The following UGGT1 variants were observed in gnomAD, a reference collection of about 807,000 sequenced individuals.
The protein encoded by UGGT1 is UDP-glucose glycoprotein glucosyltransferase 1, also known as UDP-glucose:glycoprotein glucosyltransferase 1.
A neutral mutation model predicts 203.9 loss-of-function variants in UGGT1; 107 were observed. That is an observed-to-expected ratio of 0.52 (90% CI 0.45 to 0.62). The LOEUF (loss-of-function observed/expected upper bound fraction) is 0.62, where lower values mean the gene tolerates loss of function less well. Among genes scored for constraint, UGGT1 ranks in the 20% least tolerant of loss-of-function variants. The pLI is 0.00. For missense variants in UGGT1, 1,673 were observed against 1,867.2 expected, an observed-to-expected ratio of 0.90 and a Z score of 1.92; for synonymous variants, 628 against 653.5, an observed-to-expected ratio of 0.96 and a Z score of 0.59.
chr2:128,169,583 T>C (rs929107031), intron 26 of UGGT1, among the ~76,000 whole-genome samples: 16 of 152,334 alleles, frequency 1.1e-4, no homozygotes, highest in East Asian at 7.7e-4. Context: ...AATTTCCAAA[T>C]GTGGAGAAAG....
At chr2:128,131,517 C>T (rs1447432269) in intron 13 of UGGT1, among the ~76,000 whole-genome samples, 1 of 152,106 alleles carries the variant, frequency 6.6e-6, no homozygotes, top group Non-Finnish European at 1.5e-5. Flanking sequence ...CTGTTGTAAA[C>T]ACTACTTTAA....
intron 18 of UGGT1, among the ~76,000 whole-genome samples, chr2:128,148,230 T>A (rs1689784278): frequency 6.6e-6 from 1 of 151,978 alleles, no homozygotes; most frequent in Admixed American, 6.6e-5. Flanking sequence ...CCCAACTAAT[T>A]TTTATATTTT....
At chr2:128,099,491 G>C (rs1250542290) in intron 2 of UGGT1, among the ~76,000 whole-genome samples, 1 of 152,140 alleles carries the variant, frequency 6.6e-6, no homozygotes, top group African/African-American at 2.4e-5. Flanking sequence ...CTAGAAAAAT[G>C]TGGATGAAGA....
intron 16 of UGGT1, 61 bp downstream of exon 16, chr2:128,138,913 T>C (rs1689276014): frequency 1.3e-6 from 2 of 1,599,998 alleles, no homozygotes; most frequent in Non-Finnish European, 8.5e-7. Context: ...TTAATAACAA[T>C]GTGTGGTCAT....
chr2:128,099,041 A>G (rs1163195578), intron 2 of UGGT1, among the ~76,000 whole-genome samples: 4 of 152,216 alleles, frequency 2.6e-5, no homozygotes, highest in African/African-American at 9.6e-5. Flanking sequence ...AGCAGCAAGC[A>G]CTTGGTAAGT....
chr2:128,111,004 C>A (rs988836386), intron 5 of UGGT1, among the ~76,000 whole-genome samples: 3 of 152,144 alleles, frequency 2.0e-5, no homozygotes, highest in Non-Finnish European at 4.4e-5. Flanking sequence ...CTGTTAATAT[C>A]TTGATGCCAT....
chr2:128,179,225 A>G (rs1691561700), intron 34 of UGGT1, among the ~76,000 whole-genome samples: 2 of 152,202 alleles, frequency 1.3e-5, no homozygotes, highest in African/African-American at 4.8e-5. Flanking sequence ...CTTATTTCCA[A>G]GAAATAATAT....
chr2:128,099,186 C>G (rs189821246), intron 2 of UGGT1, among the ~76,000 whole-genome samples: 11 of 152,212 alleles, frequency 7.2e-5, no homozygotes, highest in African/African-American at 2.6e-4. Flanking sequence ...CTCTGTTGTT[C>G]AGGCTAGAGT....
At position 128,097,449 on chromosome 2, in the gene UGGT1, G is replaced by C. The variant is rs968656783; in HGVS notation, c.79G>C (p.Val27Leu). The C allele has an allele frequency of 1.9e-6, 3 of 1,612,206 alleles. No individual in the cohort carries two copies. In the Admixed American group the frequency reaches 5.1e-5, roughly 27 times the overall value. ...TTTAGGAGTTTGCTATAAAATGGGA[G>C]TTCTGGTTGTACTCACTGTTCTGTG... ...PVTGVCYKMG[V>L]LVVLTVLWLF... Residue 27 changes from valine (V) to leucine (L), a missense_variant, in exon 2 of 41, where the codon GTT (valine) becomes CTT (leucine). Val to Leu is a conservative substitution (Grantham distance 32). Coordinates refer to ENST00000259253, the MANE Select transcript of UGGT1 (RefSeq NM_020120.4).
chr2:128,178,715 C>A, intron 34 of UGGT1, 146 bp downstream of exon 34: 1 of 716,482 alleles, frequency 1.4e-6, no homozygotes. Context: ...TGCCATTTAT[C>A]ATTGGATTTG....
intron 22 of UGGT1, 86 bp from the exon 23 acceptor site, chr2:128,159,428 A>T: frequency 8.2e-7 from 1 of 1,220,152 alleles, no homozygotes; most frequent in Non-Finnish European, 1.2e-6. Flanking sequence ...ATTATTTGCT[A>T]CTTATTGAAC....
At chr2:128,181,570 C>G (rs1164811947) in intron 36 of UGGT1, among the ~76,000 whole-genome samples, 1 of 152,226 alleles carries the variant, frequency 6.6e-6, no homozygotes, top group Non-Finnish European at 1.5e-5. Flanking sequence ...TGCCCACAGC[C>G]TTCCACTTCA....
At chr2:128,133,341 CT>C in intron 14 of UGGT1, 81 bp downstream of exon 14, 1 of 1,541,902 alleles carries the variant, frequency 6.5e-7, no homozygotes, top group Non-Finnish European at 8.9e-7. Context: ...AGAATGGTCA[CT>C]TCTCACCTTT....
chr2:128,115,096 A>G (rs929296480), intron 6 of UGGT1, 28 bp from the exon 7 acceptor site: 6 of 1,601,392 alleles, frequency 3.7e-6, no homozygotes, highest in Non-Finnish European at 2.6e-6. Context: ...GCTAGGTGGT[A>G]ATGATGGAAT....
At chr2:128,115,833 G>A (rs1411743038) in intron 7 of UGGT1, among the ~76,000 whole-genome samples, 1 of 152,142 alleles carries the variant, frequency 6.6e-6, no homozygotes, top group African/African-American at 2.4e-5. Context: ...TAAAGCAGAT[G>A]GAAAATAAAC....
In UGGT1 at chr2:128,186,692, A is replaced by T; in HGVS notation, c.4369A>T (p.Asn1457Tyr). 1.9e-6 allele frequency: 3 copies of T among 1,612,988 alleles called. No individual in the cohort carries two copies. The highest frequency in any genetic ancestry group is 2.5e-6 in the Non-Finnish European group (3 of 1,179,304). The part of the protein sequence containing the change: ...SLSNLDQDLP[N>Y]NMIHQVPIKS... ...TTTTTTAACCAAACAGGATCTGCCC[A>T]ATAACATGATTCATCAGGTGCCAAT... The change falls in exon 39 of 41, where the codon AAT (asparagine) becomes TAT (tyrosine). Residue 1457 changes from asparagine to tyrosine, a missense_variant. Transcript: ENST00000259253.
chr2:128,101,464 C>T (rs561107160), intron 2 of UGGT1, among the ~76,000 whole-genome samples: 1 of 152,242 alleles, frequency 6.6e-6, no homozygotes, highest in South Asian at 2.1e-4. Context: ...TGAAGTAAAA[C>T]ACTAAATATG....
At chr2:128,133,353 ACT>A in intron 14 of UGGT1, 93 bp downstream of exon 14, 1 of 1,500,878 alleles carries the variant, frequency 6.7e-7, no homozygotes, top group East Asian at 2.4e-5. Flanking sequence ...TCTCACCTTT[ACT>A]AGCTGCTTCC....
Position 128,187,348 on chromosome 2 carries a change from G to GT in UGGT1, c.4477-97dup. 4 of 1,325,508 alleles carry GT rather than the reference G, an allele frequency of 3.0e-6. No individual in the cohort carries two copies. The South Asian group carries it at 6.2e-5, about 21-fold the overall frequency. 82.1% of individuals were successfully genotyped at this position (1,325,508 alleles called of 1,614,324 possible). A position where few individuals can be genotyped will look rare whatever the true frequency, so the allele number is the denominator to read the frequency against. On this transcript the variant is annotated intron_variant, in intron 39 of 40. Coordinates refer to ENST00000259253, the MANE Select transcript of UGGT1 (RefSeq NM_020120.4). ...GTATATCATTTGGTTCCTTACTATTGTTTTCTTGTCCAGTTAGGACTTGTA... is the reference window on the plus strand; with the variant it reads ...GTATATCATTTGGTTCCTTACTATTGTTTTTCTTGTCCAGTTAGGACTTGTA...
Sources: allele counts gnomAD v4.1 joint callset (sites outside exome capture counted in the v4.1 genomes callset), GRCh38; gene constraint gnomAD v4.1.1; transcripts MANE v1.5; gene names NCBI Gene and HGNC (gene_info 2026-07-23, HGNC 2026-07-21).